NOS1AP: variants seen among roughly 807,000 people sequenced by gnomAD.
NOS1AP encodes the protein nitric oxide synthase 1 adaptor protein, also known as carboxyl-terminal PDZ ligand of neuronal nitric oxide synthase protein.
Under a neutral mutation model 56.2 loss-of-function variants are expected in NOS1AP, and 21 were observed. The observed-to-expected ratio is 0.37, with a 90% confidence interval of 0.26 to 0.54. The LOEUF (loss-of-function observed/expected upper bound fraction) is 0.54, where lower values mean the gene tolerates loss of function less well. NOS1AP is among the 20% of genes least tolerant of loss of function. The pLI is 0.84. For synonymous variants in NOS1AP, 270 were observed against 274.6 expected (o/e 0.98, Z 0.17); for missense variants, 522 against 657.8 (o/e 0.79, Z 2.26).
intron 2 of NOS1AP, among the ~76,000 whole-genome samples, chr1:162,265,350 G>A (rs1654388724): frequency 1.3e-5 from 2 of 151,134 alleles, no homozygotes; most frequent in Non-Finnish European, 2.9e-5. Flanking sequence ...TTAGCATTAG[G>A]TATATCTCCT....
intron 1 of NOS1AP, among the ~76,000 whole-genome samples, chr1:162,121,826 T>A (rs1648252563): frequency 6.6e-6 from 1 of 152,202 alleles, no homozygotes; most frequent in Non-Finnish European, 1.5e-5. Flanking sequence ...TCTTTGGGGA[T>A]ATGGGATAAT....
intron 1 of NOS1AP, among the ~76,000 whole-genome samples, chr1:162,133,654 A>G (rs1413093861): frequency 2.6e-5 from 4 of 152,206 alleles, no homozygotes; most frequent in Non-Finnish European, 5.9e-5. Flanking sequence ...CTGCTGTGGC[A>G]TTGGGTGGTC....
intron 1 of NOS1AP, among the ~76,000 whole-genome samples, chr1:162,082,181 A>G (rs1294946652): frequency 1.6e-5 from 1 of 61,332 alleles, no homozygotes; most frequent in Non-Finnish European, 3.6e-5. Context: ...AAGTGAGAAC[A>G]TGCAGTATTT....
intron 4 of NOS1AP, among the ~76,000 whole-genome samples, chr1:162,325,618 A>G (rs763816492): frequency 6.6e-6 from 1 of 152,086 alleles, no homozygotes; most frequent in African/African-American, 2.4e-5. Flanking sequence ...ATTTCCCAGG[A>G]CCATGCCTTC....
chr1:162,359,420 C>T lies in NOS1AP; in HGVS notation c.939+2284C>T, dbSNP rs577780595. On this transcript the variant is annotated intron_variant, in intron 8 of 9. Coordinates refer to ENST00000361897, the MANE Select transcript of NOS1AP (RefSeq NM_014697.3). ...TGTCTCTGACTACCTTCTTTCTGTT[C>T]GCATCTTGCTTTTGCTGTCCAGGAC... 9.9e-5 allele frequency among the ~76,000 whole-genome samples: 15 copies of T among 152,152 alleles called. 1 individual carries two copies. The highest frequency in any genetic ancestry group is 8.3e-4 in the South Asian group (4 of 4,830).
chr1:162,241,048 G>C (rs1033600989), intron 2 of NOS1AP, among the ~76,000 whole-genome samples: 8 of 152,186 alleles, frequency 5.3e-5, no homozygotes, highest in African/African-American at 1.9e-4. Context: ...ACTGGCTAGA[G>C]GCAGGGGAGC....
At chr1:162,215,532 G>A (rs1652540962) in intron 2 of NOS1AP, among the ~76,000 whole-genome samples, 1 of 152,238 alleles carries the variant, frequency 6.6e-6, no homozygotes, top group Admixed American at 6.5e-5. Flanking sequence ...GCTGGGCCAG[G>A]AGACAGTCTG....
At chr1:162,125,652 C>G (rs539693153) in intron 1 of NOS1AP, among the ~76,000 whole-genome samples, 4 of 152,044 alleles carry the variant, frequency 2.6e-5, no homozygotes, top group African/African-American at 9.7e-5. Flanking sequence ...TTTACTAGTA[C>G]CATGCTGTTT....
At chr1:162,285,603 G>A (rs1655064253) in intron 2 of NOS1AP, among the ~76,000 whole-genome samples, 1 of 136,488 alleles carries the variant, frequency 7.3e-6, no homozygotes, top group Non-Finnish European at 1.6e-5. Context: ...AGACTCCAGT[G>A]CAAAAAAAAA....
intron 2 of NOS1AP, among the ~76,000 whole-genome samples, chr1:162,165,989 A>G (rs1265219171): frequency 6.6e-6 from 1 of 152,208 alleles, no homozygotes; most frequent in Non-Finnish European, 1.5e-5. Flanking sequence ...TATCTCTTGG[A>G]AAGACATCTT....
At chr1:162,115,073 A>C (rs530114584) in intron 1 of NOS1AP, among the ~76,000 whole-genome samples, 1 of 152,278 alleles carries the variant, frequency 6.6e-6, no homozygotes, top group East Asian at 1.9e-4. Context: ...GTTTTTGTTC[A>C]TTCACTTACA....
At chr1:162,173,505 A>G (rs1650906043) in intron 2 of NOS1AP, among the ~76,000 whole-genome samples, 1 of 152,234 alleles carries the variant, frequency 6.6e-6, no homozygotes, top group Admixed American at 6.5e-5. Flanking sequence ...GGGCATAGGC[A>G]TGGGCAAGGA....
intron 8 of NOS1AP, chr1:162,364,058 C>T (rs1203925350): frequency 1.0e-6 from 1 of 985,428 alleles, no homozygotes; most frequent in East Asian, 1.1e-4. Flanking sequence ...CAGCAAGTCA[C>T]TTGGCCAAGG....
chr1:162,259,942 T>C (rs1403675018), intron 2 of NOS1AP, among the ~76,000 whole-genome samples: 1 of 152,174 alleles, frequency 6.6e-6, no homozygotes, highest in Non-Finnish European at 1.5e-5. Flanking sequence ...AAAAGCATAT[T>C]ATCTAACAGC....
chr1:162,286,422 T>C (rs185624505), intron 2 of NOS1AP, among the ~76,000 whole-genome samples: 3 of 152,332 alleles, frequency 2.0e-5, no homozygotes, highest in Non-Finnish European at 4.4e-5. Flanking sequence ...AAGTGAAGTT[T>C]GCTAGGCGGT....
rs113590914 is a variant in NOS1AP at position 162,194,366 on chromosome 1, G to A, written c.177+39890G>A. Among the ~76,000 whole-genome samples the A allele has an allele frequency of 2.2e-3, 340 of 152,282 alleles. 2 individuals are homozygous for A. Among genetic ancestry groups the A allele is most frequent in the African/African-American group, 7.9e-3 (328 of 41,570 alleles). On this transcript the variant is annotated intron_variant, in intron 2 of 9. Transcript: ENST00000361897. ...GAGCCTGGTTGGTCCATCTCTGTAG[G>A]TTGTGAGTTTGCGCTGGTTTGGGAA...
At chr1:162,232,600 A>G (rs1276252812) in intron 2 of NOS1AP, among the ~76,000 whole-genome samples, 1 of 151,920 alleles carries the variant, frequency 6.6e-6, no homozygotes, top group African/African-American at 2.4e-5. Flanking sequence ...TGACACAGCT[A>G]CAAGACAGCT....
intron 2 of NOS1AP, among the ~76,000 whole-genome samples, chr1:162,280,516 G>T (rs978015123): frequency 6.6e-5 from 10 of 152,176 alleles, no homozygotes; most frequent in Non-Finnish European, 4.4e-5. Flanking sequence ...ACTTTTGGCC[G>T]TACTTCTGAT....
At chr1:162,335,725 C>G (rs1383238186) in intron 5 of NOS1AP, among the ~76,000 whole-genome samples, 1 of 152,136 alleles carries the variant, frequency 6.6e-6, no homozygotes, top group Non-Finnish European at 1.5e-5. Flanking sequence ...TGTCTGAGAT[C>G]CTTTTTGTGT....
Sources: allele counts gnomAD v4.1 joint callset (sites outside exome capture counted in the v4.1 genomes callset), GRCh38; gene constraint gnomAD v4.1.1; transcripts MANE v1.5; gene names NCBI Gene and HGNC (gene_info 2026-07-23, HGNC 2026-07-21).